The following PCDHGB2 variants were observed in gnomAD, a reference collection of about 807,000 sequenced individuals.
PCDHGB2 encodes protocadherin gamma subfamily B, 2, also known as protocadherin gamma-B2.
A neutral mutation model predicts 59.3 loss-of-function variants in PCDHGB2; 55 were observed. The ratio of observed to expected loss-of-function variants is 0.93; its 90% CI spans 0.75 to 1.16. PCDHGB2 has a LOEUF of 1.16. Ranked by LOEUF, PCDHGB2 falls within the 50% of genes most tolerant of loss-of-function variation. The probability of loss-of-function intolerance (pLI) is 0.00; values close to 1 mark genes in which losing one functional copy is unlikely to be tolerated. For synonymous variants in PCDHGB2, 516 were observed against 512.0 expected (o/e 1.01, Z -0.11); for missense variants, 1,228 against 1,198.5 (o/e 1.02, Z -0.36).
Position 141,360,603 on chromosome 5 carries a change from A to G in PCDHGB2, c.468A>G (p.Pro156=). 6.2e-7 allele frequency: 1 copy of G among 1,614,056 alleles called. No homozygotes were observed. The highest frequency in any genetic ancestry group is 8.5e-7 in the Non-Finnish European group (1 of 1,179,902). ...CAGGTACAACATTTCCACTTGACCCAGCCCTGGATTCAGATGTTGGTCCTA... is the reference window on the plus strand; with the variant it reads ...CAGGTACAACATTTCCACTTGACCCGGCCCTGGATTCAGATGTTGGTCCTA... ...TKPGTTFPLD[P]ALDSDVGPNS... The change falls in exon 1 of 4, where the codon CCA becomes CCG. Residue 156 remains proline (P), a synonymous_variant. Transcript: ENST00000522605.
intron 1 of PCDHGB2, chr5:141,422,908 C>T (rs1340882515): frequency 2.5e-6 from 4 of 1,614,126 alleles, no homozygotes; most frequent in Non-Finnish European, 3.4e-6. Context: ...CGACAATGCG[C>T]CCGAGATCCT....
At chr5:141,509,669 G>GAGAA (rs2099877764) in intron 3 of PCDHGB2, among the ~76,000 whole-genome samples, 1 of 152,180 alleles carries the variant, frequency 6.6e-6, no homozygotes, top group African/African-American at 2.4e-5. Flanking sequence ...CTGGGCCCCA[G>GAGAA]TTTCTTCTTC....
intron 1 of PCDHGB2, 167 bp downstream of exon 1, chr5:141,362,723 G>T (rs1762653397): frequency 2.3e-6 from 2 of 865,892 alleles, no homozygotes; most frequent in Admixed American, 5.9e-5. Flanking sequence ...TCTCTGAAGT[G>T]TGAGATTTAT....
At position 141,460,491 on chromosome 5, in the gene PCDHGB2, A is replaced by G. The variant is rs544539917; in HGVS notation, c.2422-34316A>G. Among the ~76,000 whole-genome samples, 240 of 152,272 alleles carry G rather than the reference A, an allele frequency of 1.6e-3. 1 individual carries two copies. Among genetic ancestry groups the G allele is most frequent in the Non-Finnish European group, 2.6e-3 (177 of 68,014 alleles). On this transcript the variant is annotated intron_variant, in intron 1 of 3. Transcript: ENST00000522605. ...AAGGAATATCCAATTGTCTCTTTGG[A>G]AAAATATGCTGAGAAGGCTATCTTT...
chr5:141,423,730 A>G, intron 1 of PCDHGB2: 1 of 831,022 alleles, frequency 1.2e-6, no homozygotes. Flanking sequence ...ATGTTTTTTG[A>G]GCCTGTTATG....
At chr5:141,366,918 A>G in intron 1 of PCDHGB2, 1 of 1,091,754 alleles carries the variant, frequency 9.2e-7, no homozygotes, top group Non-Finnish European at 1.3e-6. Context: ...TTTGTTTTCA[A>G]ATTCTGTTTT....
At chr5:141,458,172 T>C (rs1023447659) in intron 1 of PCDHGB2, among the ~76,000 whole-genome samples, 2 of 152,216 alleles carry the variant, frequency 1.3e-5, no homozygotes, top group African/African-American at 4.8e-5. Flanking sequence ...CACAGTAGTA[T>C]ACCTTACTTG....
At chr5:141,409,334 G>A (rs767579166) in intron 1 of PCDHGB2, 1 of 1,613,974 alleles carries the variant, frequency 6.2e-7, no homozygotes, top group South Asian at 1.1e-5. Flanking sequence ...GGATTTCGGA[G>A]GAAATGGAGA....
chr5:141,360,101 C>G lies in PCDHGB2; in HGVS notation c.-35C>G. On this transcript the variant is annotated 5_prime_UTR_variant, in exon 1 of 4. Transcript: ENST00000522605. The stretch of plus-strand genomic sequence containing the variant: ...TTCTGCCATCCCCGGAAGGCTTATT[C>G]CTCCTATGGGCAAAGGAGCAAAGGG... 1 of 1,533,062 alleles carries G rather than the reference C, an allele frequency of 6.5e-7. No homozygotes were observed. The highest frequency in any genetic ancestry group is 2.4e-5 in the East Asian group (1 of 42,376). The allele number at this position is 1,533,062 out of a possible 1,614,324, so 95.0% of individuals were successfully genotyped here.
chr5:141,371,232 G>C, intron 1 of PCDHGB2: 4 of 1,614,036 alleles, frequency 2.5e-6, no homozygotes, highest in Non-Finnish European at 3.4e-6. Flanking sequence ...AATCATCTAT[G>C]CCTTCATCAA....
chr5:141,463,574 G>A (rs942457606), intron 1 of PCDHGB2, among the ~76,000 whole-genome samples: 1 of 146,978 alleles, frequency 6.8e-6, no homozygotes, highest in Non-Finnish European at 1.5e-5. Flanking sequence ...TCAGCCTCCC[G>A]AGTAGCTGGG....
chr5:141,505,523 G>A, intron 3 of PCDHGB2, 42 bp downstream of exon 3: 1 of 1,612,760 alleles, frequency 6.2e-7, no homozygotes, highest in Middle Eastern at 1.7e-4. Flanking sequence ...GGGAGACCTG[G>A]GGTTCTGGGG....
chr5:141,439,171 C>T (rs948650584), intron 1 of PCDHGB2, among the ~76,000 whole-genome samples: 3 of 146,478 alleles, frequency 2.0e-5, no homozygotes, highest in Non-Finnish European at 3.0e-5. Context: ...CCAGCCTGGG[C>T]GACATAGTGA....
rs554670088 is a variant in PCDHGB2 at position 141,391,069 on chromosome 5, T to C, written c.2421+28513T>C. The C allele has an allele frequency of 4.1e-4, 63 of 152,324 alleles. 1 individual carries two copies. Among genetic ancestry groups the C allele is most frequent in the African/African-American group, 1.4e-3 (59 of 41,576 alleles). The allele number at this position is 152,324 out of a possible 1,614,324, so 9.4% of individuals were successfully genotyped here. A position where few individuals can be genotyped will look rare whatever the true frequency, so the allele number is the denominator to read the frequency against. ...GTCCCTCTCACACACAGCCCTAATA[T>C]ATAATGTGTAACTGCCTTATCTGCA... On this transcript the variant is annotated intron_variant, in intron 1 of 3. Transcript: ENST00000522605.
intron 1 of PCDHGB2, chr5:141,374,203 G>C: frequency 6.2e-7 from 1 of 1,613,926 alleles, no homozygotes; most frequent in East Asian, 2.2e-5. Context: ...AGGAGCTGGA[G>C]AAAGGCTCCT....
chr5:141,360,269 CG>C lies in PCDHGB2; in HGVS notation c.136del (p.Val46SerfsTer2). 1 of 1,613,932 alleles carries C rather than the reference CG, an allele frequency of 6.2e-7. No individual in the cohort carries two copies. Among genetic ancestry groups the C allele is most frequent in the African/African-American group, 1.3e-5 (1 of 75,008 alleles). On this transcript the variant is annotated frameshift_variant, in exon 1 of 4. Transcript: ENST00000522605. LOFTEE classifies it high-confidence loss of function. Reference sequence around the variant, plus strand: ...ATTCCAGAGGAGCTGGCCAAAAACTCGGTCGTAGGAAACCTCGCCAAGGATC... The same window carrying C: ...ATTCCAGAGGAGCTGGCCAAAAACTCGTCGTAGGAAACCTCGCCAAGGATC... ...YSIPEELAKNSVVGNLAKDLG... is the reference protein window; with the variant it reads ...YSIPEELAKNXVVGNLAKDLG...
At chr5:141,428,091 T>C (rs769710543) in intron 1 of PCDHGB2, 2 of 1,609,000 alleles carry the variant, frequency 1.2e-6, no homozygotes, top group East Asian at 2.2e-5. Flanking sequence ...CGCTTGGCTG[T>C]CCTACCACGT....
At position 141,511,005 on chromosome 5, in the gene PCDHGB2, C is replaced by T; in HGVS notation, c.2628C>T (p.Ala876=). ...GGGAGTMGLS[A]RYGPQFTLQH... The stretch of plus-strand genomic sequence containing the variant: ...GTGCCGGCACCATGGGATTGAGCGC[C>T]CGCTACGGACCCCAGTTCACCCTGC... Residue 876 remains alanine, a synonymous_variant, in exon 4 of 4, where the codon GCC becomes GCT. Coordinates refer to ENST00000522605, the MANE Select transcript of PCDHGB2 (RefSeq NM_018923.3). The T allele has an allele frequency of 6.2e-7, 1 of 1,614,176 alleles. No individual in the cohort carries two copies.
At chr5:141,413,389 T>G in intron 1 of PCDHGB2, 1 of 1,613,986 alleles carries the variant, frequency 6.2e-7, no homozygotes, top group Non-Finnish European at 8.5e-7. Flanking sequence ...CCGCATAGTC[T>G]CCAGAGGTAG....
Sources: allele counts gnomAD v4.1 joint callset (sites outside exome capture counted in the v4.1 genomes callset), GRCh38; gene constraint gnomAD v4.1.1; transcripts MANE v1.5; gene names NCBI Gene and HGNC (gene_info 2026-07-23, HGNC 2026-07-21).